Variants in WLS observed in about 807,000 individuals in gnomAD.
WLS encodes protein wntless homolog.
Under a neutral mutation model 62.8 loss-of-function variants are expected in WLS, and 23 were observed. The ratio of observed to expected loss-of-function variants is 0.37; its 90% CI spans 0.26 to 0.52. The LOEUF (loss-of-function observed/expected upper bound fraction) is 0.52, where lower values mean the gene tolerates loss of function less well. Among genes scored for constraint, WLS ranks in the 20% least tolerant of loss-of-function variants. The pLI is 0.92. For synonymous variants in WLS, 246 were observed against 244.1 expected (o/e 1.01, Z -0.07); for missense variants, 615 against 697.3 (o/e 0.88, Z 1.33).
chr1:68,205,865 A>AT (rs1649259871), intron 1 of WLS, among the ~76,000 whole-genome samples: 1 of 152,176 alleles, frequency 6.6e-6, no homozygotes, highest in Non-Finnish European at 1.5e-5. Flanking sequence ...GATGTAAATG[A>AT]TTTTTTTCTC....
chr1:68,163,149 G>A, intron 2 of WLS: 1 of 1,181,698 alleles, frequency 8.5e-7, no homozygotes, highest in Admixed American at 2.0e-5. Flanking sequence ...TAAGAACTTA[G>A]GGGAACTCGC....
chr1:68,158,321 A>T (rs972851036), intron 3 of WLS, among the ~76,000 whole-genome samples: 2 of 152,156 alleles, frequency 1.3e-5, no homozygotes, highest in Non-Finnish European at 2.9e-5. Flanking sequence ...AGACTCCCCT[A>T]GTGTTTCAAA....
In WLS at chr1:68,153,604, G is replaced by T; in HGVS notation, c.716C>A (p.Thr239Asn). 1.2e-6 allele frequency: 2 copies of T among 1,614,198 alleles called. No homozygotes were observed. The highest frequency in any genetic ancestry group is 1.7e-6 in the Non-Finnish European group (2 of 1,180,034). ...GFTKVWFAMK[T>N]FLTPSIFIIM... is the part of the protein sequence containing the mutation. Reference sequence around the variant, plus strand: ...GATGAAGATGCTGGGCGTAAGGAAGGTCTTCATGGCAAACCACACCTTGGT... The same window carrying T: ...GATGAAGATGCTGGGCGTAAGGAAGTTCTTCATGGCAAACCACACCTTGGT... Residue 239 changes from threonine to asparagine, a missense_variant, in exon 5 of 12, where the codon ACC becomes AAC. By Grantham distance (65) the Thr-to-Asn change is moderately conservative (BLOSUM62 0). Coordinates refer to ENST00000262348, the MANE Select transcript of WLS (RefSeq NM_024911.7).
chr1:68,189,718 T>C (rs1288741553), intron 2 of WLS, among the ~76,000 whole-genome samples: 2 of 152,232 alleles, frequency 1.3e-5, no homozygotes, highest in Non-Finnish European at 2.9e-5. Context: ...CTACTTTTAA[T>C]TTTTAACTGT....
intron 2 of WLS, among the ~76,000 whole-genome samples, chr1:68,174,129 C>T (rs1454686800): frequency 2.0e-5 from 3 of 152,148 alleles, no homozygotes; most frequent in Non-Finnish European, 4.4e-5. Flanking sequence ...TGCCTGTGGA[C>T]GGGTAGCAGA....
downstream of WLS, chr1:68,125,289 C>T: frequency 1.0e-6 from 1 of 975,680 alleles, no homozygotes; most frequent in Non-Finnish European, 1.2e-6. Context: ...ATCAGTTTTT[C>T]AGAAACCTAT....
intron 11 of WLS, among the ~76,000 whole-genome samples, chr1:68,111,796 G>C (rs148506277): frequency 7.7e-4 from 117 of 152,314 alleles, no homozygotes; most frequent in Non-Finnish European, 1.3e-3. Context: ...CAGATGAGAT[G>C]CTCTGTTCTG....
intron 1 of WLS, among the ~76,000 whole-genome samples, chr1:68,228,842 CAAAAAAAAAAAAAAAA>C (rs66626696): frequency 8.6e-5 from 5 of 58,022 alleles, no homozygotes; most frequent in Non-Finnish European, 1.1e-4. Flanking sequence ...ACACTGGTGC[CAAAAAAAAAAAAAAAA>C]AAAAAAAAAA....
rs184604767 is a variant in WLS, at chr1:68,162,536, T to C, written c.380-3289A>G. On this transcript the variant is annotated intron_variant, in intron 2 of 11. Coordinates refer to ENST00000262348, the MANE Select transcript of WLS (RefSeq NM_024911.7). ...GCCTACCCCCTGCGATCAAAGCCGA[T>C]GAGGCCCAGCATTTCCCCACGGATG... The C allele has an allele frequency of 1.2e-4, 185 of 1,606,402 alleles. No individual in the cohort carries two copies. The African/African-American group carries it at 2.0e-3, about 17-fold the overall frequency.
At chr1:68,114,724 TCAGAGCCCCGTCC>T (rs1172636278) in intron 11 of WLS, among the ~76,000 whole-genome samples, 3 of 152,194 alleles carry the variant, frequency 2.0e-5, no homozygotes, top group Middle Eastern at 3.2e-3. Context: ...AGAGACTTGC[TCAGAGCCCCGTCC>T]CAGAAGTGGG....
At chr1:68,151,462 C>G (rs1263064508) in intron 5 of WLS, among the ~76,000 whole-genome samples, 1 of 152,072 alleles carries the variant, frequency 6.6e-6, no homozygotes, top group Non-Finnish European at 1.5e-5. Flanking sequence ...TAAACTCCTA[C>G]TATGTGTCAG....
rs72668901 is a variant in WLS, at chr1:68,131,308, G to T, written c.1517-4973C>A. On this transcript the variant is annotated intron_variant, in intron 11 of 11. Transcript: ENST00000262348. ...GAAAGATTTGCCTGGTGCAGGCAAG[G>T]GCAGTTCCTCTGTACTCTGCATGGC... 6.0e-3 allele frequency among the ~76,000 whole-genome samples: 906 copies of T among 152,050 alleles called. 7 individuals are homozygous for T. The highest frequency in any genetic ancestry group is 0.01 in the Non-Finnish European group (695 of 67,992).
intron 2 of WLS, among the ~76,000 whole-genome samples, chr1:68,179,772 A>C (rs887335403): frequency 6.6e-6 from 1 of 152,146 alleles, no homozygotes; most frequent in Non-Finnish European, 1.5e-5. Context: ...TGGTCTTCCC[A>C]CTCTGCCAGT....
At chr1:68,222,271 A>G (rs1649973180) in intron 1 of WLS, among the ~76,000 whole-genome samples, 1 of 152,180 alleles carries the variant, frequency 6.6e-6, no homozygotes, top group African/African-American at 2.4e-5. Flanking sequence ...GAGGAAGGGA[A>G]TGTACCACAC....
intron 1 of WLS, among the ~76,000 whole-genome samples, chr1:68,219,954 G>A (rs554853640): frequency 1.2e-4 from 18 of 151,952 alleles, no homozygotes; most frequent in Non-Finnish European, 2.2e-4. Context: ...GATTCACTTC[G>A]CAGCAAGCAA....
At chr1:68,226,902 C>T (rs1650164672) in intron 1 of WLS, among the ~76,000 whole-genome samples, 3 of 152,236 alleles carry the variant, frequency 2.0e-5, no homozygotes, top group Middle Eastern at 3.4e-3. Context: ...TGGATTTAAA[C>T]ATTTTAAGGT....
intron 1 of WLS, among the ~76,000 whole-genome samples, chr1:68,226,929 G>A (rs1182368671): frequency 6.6e-6 from 1 of 152,178 alleles, no homozygotes; most frequent in African/African-American, 2.4e-5. Flanking sequence ...ATTGTAAAAT[G>A]TCATGTAGGA....
intron 11 of WLS, among the ~76,000 whole-genome samples, chr1:68,136,035 T>C (rs1646604878): frequency 6.6e-6 from 1 of 152,138 alleles, no homozygotes; most frequent in Non-Finnish European, 1.5e-5. Flanking sequence ...GATTGTAACA[T>C]GTCTACTCCA....
chr1:68,138,048 A>G (rs1831297), intron 10 of WLS, 115 bp from the exon 11 acceptor site: 826,442 of 1,252,852 alleles, frequency 0.66, 272,948 homozygotes, highest in Middle Eastern at 0.7. Context: ...TGTGGGAAAC[A>G]TGAAGGGCCA....
Sources: allele counts gnomAD v4.1 joint callset (sites outside exome capture counted in the v4.1 genomes callset), GRCh38; gene constraint gnomAD v4.1.1; transcripts MANE v1.5; gene names NCBI Gene and HGNC (gene_info 2026-07-23, HGNC 2026-07-21).